The following ST8SIA4 variants were observed in gnomAD, a reference collection of about 807,000 sequenced individuals.
ST8SIA4 encodes CMP-N-acetylneuraminate-poly-alpha-2,8-sialyltransferase.
A neutral mutation model predicts 33.9 loss-of-function variants in ST8SIA4; 15 were observed. That is an observed-to-expected ratio of 0.44 (90% CI 0.30 to 0.68). ST8SIA4 has a LOEUF of 0.68. ST8SIA4 is among the 30% of genes least tolerant of loss of function. The pLI is 0.10. For synonymous variants in ST8SIA4, 171 were observed against 151.2 expected, an observed-to-expected ratio of 1.13 and a Z score of -0.96; for missense variants, 321 against 428.0, an observed-to-expected ratio of 0.75 and a Z score of 2.21.
chr5:100,849,459 T>A (rs779288089), intron 4 of ST8SIA4: 14 of 985,128 alleles, frequency 1.4e-5, no homozygotes, highest in African/African-American at 1.7e-5. Flanking sequence ...TCGCAGAACC[T>A]GCAAAATACA....
chr5:100,839,937 T>G (rs1031492123), intron 4 of ST8SIA4, among the ~76,000 whole-genome samples: 1 of 151,646 alleles, frequency 6.6e-6, no homozygotes, highest in Admixed American at 6.6e-5. Flanking sequence ...TTAACTGGAT[T>G]ATGTCAAAAA....
chr5:100,830,887 A>C (rs533903024), intron 4 of ST8SIA4, among the ~76,000 whole-genome samples: 6 of 152,358 alleles, frequency 3.9e-5, no homozygotes, highest in African/African-American at 1.2e-4. Context: ...TATTTATGTA[A>C]CTATACTTGC....
In ST8SIA4 at chr5:100,809,067, T is replaced by C. The variant is rs1465559556; in HGVS notation, c.*2780A>G. 6.6e-6 allele frequency: 1 copy of C among 152,648 alleles called. No individual in the cohort carries two copies. Among genetic ancestry groups the C allele is most frequent in the African/African-American group, 2.4e-5 (1 of 41,440 alleles). The allele number at this position is 152,648 out of a possible 1,614,324, so 9.5% of individuals were successfully genotyped here. On this transcript the variant is annotated 3_prime_UTR_variant, in exon 5 of 5. Coordinates refer to ENST00000231461, the MANE Select transcript of ST8SIA4 (RefSeq NM_005668.6). ...CTAAAAAGGCACTACTCAATGCATC[T>C]ATGAGATAAACATCAATGCACAGAA...
chr5:100,830,094 C>G (rs1751220894), intron 4 of ST8SIA4, among the ~76,000 whole-genome samples: 1 of 152,126 alleles, frequency 6.6e-6, no homozygotes, highest in South Asian at 2.1e-4. Flanking sequence ...ATGTGCCACA[C>G]TGAAGATAAA....
At chr5:100,823,369 C>T (rs1485433547) in intron 4 of ST8SIA4, among the ~76,000 whole-genome samples, 4 of 152,154 alleles carry the variant, frequency 2.6e-5, no homozygotes, top group Admixed American at 6.5e-5. Flanking sequence ...AACCAGCAGC[C>T]CTTGGGGCTG....
chr5:100,870,210 T>G (rs796243984), intron 3 of ST8SIA4, among the ~76,000 whole-genome samples: 13 of 152,282 alleles, frequency 8.5e-5, no homozygotes, highest in African/African-American at 3.1e-4. Flanking sequence ...TATTGCGTGG[T>G]GTATATATGC....
intron 4 of ST8SIA4, among the ~76,000 whole-genome samples, chr5:100,842,338 T>C (rs1002687793): frequency 6.6e-6 from 1 of 151,860 alleles, no homozygotes. Flanking sequence ...TTTAGCAACA[T>C]TGATTCTTCC....
chr5:100,829,907 CAAA>C (rs773555217), intron 4 of ST8SIA4, among the ~76,000 whole-genome samples: 1 of 109,460 alleles, frequency 9.1e-6, no homozygotes. Flanking sequence ...GACTCCGTCT[CAAA>C]AAAAAAAAAA....
intron 1 of ST8SIA4, among the ~76,000 whole-genome samples, chr5:100,897,145 A>G (rs546647720): frequency 1.3e-5 from 2 of 152,186 alleles, no homozygotes; most frequent in African/African-American, 2.4e-5. Context: ...CAGAGATTAT[A>G]GTAGAGAGAA....
chr5:100,870,206 G>C (rs573402487), intron 3 of ST8SIA4, among the ~76,000 whole-genome samples: 4 of 152,066 alleles, frequency 2.6e-5, no homozygotes, highest in African/African-American at 9.7e-5. Flanking sequence ...ATAGTATTGC[G>C]TGGTGTATAT....
At chr5:100,842,772 T>C (rs895496776) in intron 4 of ST8SIA4, among the ~76,000 whole-genome samples, 1 of 151,804 alleles carries the variant, frequency 6.6e-6, no homozygotes, top group African/African-American at 2.4e-5. Context: ...TTTACTTTAA[T>C]TAAGATTCAC....
At chr5:100,868,292 A>G (rs933224002) in intron 3 of ST8SIA4, among the ~76,000 whole-genome samples, 7 of 152,088 alleles carry the variant, frequency 4.6e-5, no homozygotes, top group Non-Finnish European at 8.8e-5. Flanking sequence ...AGAAAATGAC[A>G]GTGTTCCTTG....
chr5:100,813,153 C>A, intron 4 of ST8SIA4, among the ~76,000 whole-genome samples: 1 of 151,920 alleles, frequency 6.6e-6, no homozygotes, highest in East Asian at 1.9e-4. Flanking sequence ...ATATTATTTT[C>A]TTTTTCTCTA....
At chr5:100,832,816 A>G (rs1229274742) in intron 4 of ST8SIA4, among the ~76,000 whole-genome samples, 6 of 151,970 alleles carry the variant, frequency 3.9e-5, no homozygotes, top group African/African-American at 7.3e-5. Flanking sequence ...TTTCTACTCT[A>G]TTGCTTTTGC....
chr5:100,893,890 T>C (rs1752726844), intron 2 of ST8SIA4, among the ~76,000 whole-genome samples: 1 of 152,128 alleles, frequency 6.6e-6, no homozygotes, highest in Non-Finnish European at 1.5e-5. Flanking sequence ...ATTTTTCTGC[T>C]TACAGATCAA....
At chr5:100,853,155 C>T (rs1299075580) in intron 4 of ST8SIA4, among the ~76,000 whole-genome samples, 2 of 152,112 alleles carry the variant, frequency 1.3e-5, no homozygotes, top group African/African-American at 4.8e-5. Flanking sequence ...GGGGAGTTTG[C>T]CTTTGCTTTC....
At chr5:100,888,329 T>G (rs1317602860) in intron 2 of ST8SIA4, among the ~76,000 whole-genome samples, 1 of 151,980 alleles carries the variant, frequency 6.6e-6, no homozygotes, top group Non-Finnish European at 1.5e-5. Flanking sequence ...GTCAAGTTAT[T>G]ACCTGATATT....
chr5:100,814,661 T>C (rs1750876697), intron 4 of ST8SIA4, among the ~76,000 whole-genome samples: 1 of 151,920 alleles, frequency 6.6e-6, no homozygotes, highest in South Asian at 2.1e-4. Context: ...ACAGAACTGA[T>C]CAAATACAGT....
intron 4 of ST8SIA4, among the ~76,000 whole-genome samples, chr5:100,824,677 A>C (rs1056243123): frequency 3.3e-5 from 5 of 152,174 alleles, no homozygotes; most frequent in Non-Finnish European, 7.4e-5. Flanking sequence ...GAGGGGGGCA[A>C]GGTAAGCCAT....
Sources: allele counts gnomAD v4.1 joint callset (sites outside exome capture counted in the v4.1 genomes callset), GRCh38; gene constraint gnomAD v4.1.1; transcripts MANE v1.5; gene names NCBI Gene and HGNC (gene_info 2026-07-23, HGNC 2026-07-21).